Variants in ACOT8 observed in about 807,000 individuals in gnomAD.
ACOT8 encodes the protein acyl-CoA thioesterase 8.
A neutral mutation model predicts 38.4 loss-of-function variants in ACOT8; 31 were observed. The ratio of observed to expected loss-of-function variants is 0.81; its 90% CI spans 0.61 to 1.09. The LOEUF (loss-of-function observed/expected upper bound fraction) is 1.09, where lower values mean the gene tolerates loss of function less well. Ranked by LOEUF, ACOT8 falls within the 50% of genes least tolerant of loss-of-function variation. The pLI is 0.00. For missense variants in ACOT8, 373 were observed against 421.8 expected (o/e 0.88, Z 1.01); for synonymous variants, 158 against 170.3 (o/e 0.93, Z 0.56).
At chr20:45,845,508 T>TAA (rs1984619349) in intron 3 of ACOT8, among the ~76,000 whole-genome samples, 3 of 152,170 alleles carry the variant, frequency 2.0e-5, no homozygotes, top group Admixed American at 2.0e-4. Flanking sequence ...TTCATTATTT[T>TAA]AAACACTCAA....
chr20:45,843,253 G>T, intron 5 of ACOT8: 1 of 610,616 alleles, frequency 1.6e-6, no homozygotes, highest in Non-Finnish European at 2.9e-6. Context: ...TTTGCCTATT[G>T]TAATACAAAG....
chr20:45,849,858 A>G (rs1984952280), intron 2 of ACOT8, among the ~76,000 whole-genome samples: 1 of 152,208 alleles, frequency 6.6e-6, no homozygotes. Context: ...AAAAGGCTTC[A>G]GGGATGCTCC....
chr20:45,853,570 G>A (rs1985196234), intron 2 of ACOT8: 1 of 164,940 alleles, frequency 6.1e-6, no homozygotes, highest in Admixed American at 6.2e-5. Context: ...AAGAGATTCA[G>A]AGTTCAAGTA....
chr20:45,855,248 T>A lies in ACOT8; in HGVS notation c.173A>T (p.Gln58Leu), dbSNP rs765163250. ...WVPAKRLFGGQIVGQALVAAA... is the reference protein window; with the variant it reads ...WVPAKRLFGGLIVGQALVAAA... ...AGCCACCAGGGCCTGGCCCACGATC[T>A]GACCACCAAACAGCCTCTTGGCCGG... Residue 58 changes from glutamine to leucine, a missense_variant, in exon 2 of 6, where the codon CAG becomes CTG. Gln to Leu is a moderately radical substitution (Grantham distance 113). Coordinates refer to ENST00000217455, the MANE Select transcript of ACOT8 (RefSeq NM_005469.4). 3.7e-6 allele frequency: 6 copies of A among 1,614,174 alleles called. No individual in the cohort carries two copies. The highest frequency in any genetic ancestry group is 5.1e-6 in the Non-Finnish European group (6 of 1,180,040).
chr20:45,855,296 T>C lies in ACOT8; in HGVS notation c.129-4A>G. The C allele has an allele frequency of 1.9e-6, 3 of 1,613,762 alleles. No homozygotes were observed. The highest frequency in any genetic ancestry group is 2.5e-6 in the Non-Finnish European group (3 of 1,179,964). ...CGGTACCCAGTAATGCCTTCCTCTG[T>C]AGGGAGAGGGGGAAAGAGGGAAAGA... On this transcript the variant is annotated splice_region_variant and splice_polypyrimidine_tract_variant and intron_variant, in intron 1 of 5. Coordinates refer to ENST00000217455, the MANE Select transcript of ACOT8 (RefSeq NM_005469.4).
At position 45,855,172 on chromosome 20, in the gene ACOT8, G is replaced by A. The variant is rs1402131494; in HGVS notation, c.249C>T (p.Tyr83=). Residue 83 remains tyrosine, a synonymous_variant, in exon 2 of 6, where the codon TAC becomes TAT. Transcript: ENST00000217455. ...TGGGGGGTTTACCTGCCCGAACAAA[G>A]TAGCAGTGCAGGGAGTGCACGTGGA... ...EDVHVHSLHC[Y]FVRAGDPKLP... The A allele has an allele frequency of 6.2e-7, 1 of 1,614,040 alleles. No homozygotes were observed. The highest frequency in any genetic ancestry group is 2.2e-5 in the East Asian group (1 of 44,870).
At position 45,857,261 on chromosome 20, in the gene ACOT8, G is replaced by A. The variant is rs150701331; in HGVS notation, c.55C>T (p.Pro19Ser). 5.0e-6 allele frequency: 8 copies of A among 1,613,332 alleles called. No individual in the cohort carries two copies. In the Admixed American group the frequency reaches 6.7e-5, roughly 13 times the overall value. Residue 19 changes from proline (P) to serine (S), a missense_variant, in exon 1 of 6, where the codon CCC becomes TCC. Pro to Ser is a moderately conservative substitution (Grantham distance 74). Transcript: ENST00000217455. ...AAGACGCTACGGAGGTCCCCAGGGG[G>A]ATCGCCGCGGTCGCCACAGCCCTGC... is the stretch of plus-strand genomic sequence containing the variant. ...DGQGCGDRGDPPGDLRSVLVT... is the reference protein window; with the variant it reads ...DGQGCGDRGDSPGDLRSVLVT...
intron 2 of ACOT8, among the ~76,000 whole-genome samples, chr20:45,850,767 CG>C (rs1985006903): frequency 6.6e-6 from 1 of 152,118 alleles, no homozygotes; most frequent in African/African-American, 2.4e-5. Context: ...GAGGCTGAGG[CG>C]GAAGGATCAC....
At chr20:45,848,822 G>A (rs771477337) in intron 2 of ACOT8, 147 bp from the exon 3 acceptor site, 70 of 631,940 alleles carry the variant, frequency 1.1e-4, no homozygotes, top group Non-Finnish European at 1.6e-4. Flanking sequence ...GGGATACAGA[G>A]ACCACCAGGC....
rs764738668 is a variant in ACOT8 at position 45,841,968 on chromosome 20, GT to G, written c.842-13del. On this transcript the variant is annotated splice_polypyrimidine_tract_variant and intron_variant, in intron 5 of 5. Transcript: ENST00000217455. The stretch of plus-strand genomic sequence containing the variant: ...CCCCCGAGAGCCACCTGTGGGTGAG[GT>G]GAAGGGTGATGATGGCCTGCTTCAG... 2.5e-6 allele frequency: 4 copies of G among 1,612,994 alleles called. No homozygotes were observed. In the Admixed American group the frequency reaches 6.7e-5, roughly 27 times the overall value.
intron 4 of ACOT8, 54 bp from the exon 5 acceptor site, chr20:45,843,775 G>T: frequency 6.3e-7 from 1 of 1,591,640 alleles, no homozygotes; most frequent in Non-Finnish European, 8.6e-7. Context: ...CTCAGGACCT[G>T]CACGGAGGTA....
Position 45,844,385 on chromosome 20 carries a change from A to C in ACOT8, c.524T>G (p.Leu175Arg). Residue 175 changes from leucine to arginine, a missense_variant, in exon 4 of 6, where the codon CTC (leucine) becomes CGC (arginine). Physicochemically the swap from Leu to Arg is moderately radical, Grantham distance 102. Transcript: ENST00000217455. ...GACCTCCTGAGCAGCAATTCGGTTG[A>C]GCGCCAATGGGTACCTCTTTTGGAG... is the stretch of plus-strand genomic sequence containing the variant. The part of the protein sequence containing the change: ...PNLQKRYPLA[L>R]NRIAAQEVPI... The C allele has an allele frequency of 6.2e-7, 1 of 1,614,088 alleles. No homozygotes were observed. Among genetic ancestry groups the C allele is most frequent in the East Asian group, 2.2e-5 (1 of 44,880 alleles).
chr20:45,849,665 G>A (rs1984942909), intron 2 of ACOT8, among the ~76,000 whole-genome samples: 1 of 152,004 alleles, frequency 6.6e-6, no homozygotes, highest in Admixed American at 6.6e-5. Flanking sequence ...TGCCCAGGCT[G>A]GTCTCAAACT....
At chr20:45,852,957 C>G (rs574797957) in intron 2 of ACOT8, among the ~76,000 whole-genome samples, 11 of 151,964 alleles carry the variant, frequency 7.2e-5, no homozygotes, top group Non-Finnish European at 1.5e-4. Flanking sequence ...TTAGTAGAGA[C>G]TGGGTTTCAC....
At chr20:45,850,291 ATT>A (rs1984980240) in intron 2 of ACOT8, among the ~76,000 whole-genome samples, 1 of 152,194 alleles carries the variant, frequency 6.6e-6, no homozygotes, top group South Asian at 2.1e-4. Context: ...AGGAGTACAT[ATT>A]TGGCTTTCTC....
chr20:45,843,506 C>A (rs775625443), intron 5 of ACOT8, 21 bp downstream of exon 5: 2 of 1,603,852 alleles, frequency 1.2e-6, no homozygotes, highest in African/African-American at 2.7e-5. Flanking sequence ...GTGCCCTTGT[C>A]CCACACGGCC....
chr20:45,852,451 T>C (rs1985129127), intron 2 of ACOT8, among the ~76,000 whole-genome samples: 1 of 152,022 alleles, frequency 6.6e-6, no homozygotes, highest in Non-Finnish European at 1.5e-5. Flanking sequence ...AGTCCTGGGA[T>C]TACAGGCATA....
rs1457942211 is a variant in ACOT8, at chr20:45,843,694, CA to C, written c.673del (p.Cys225AlafsTer74). Reference protein sequence around the residue: ...IGEGDMKMHCCVAAYISDYAF... With the variant: ...IGEGDMKMHCXVAAYISDYAF... The stretch of plus-strand genomic sequence containing the variant: ...ATAGTCGGAGATATAGGCGGCCACG[CA>C]GCAGTGCATCTTCATGTCGCCCTCG... On this transcript the variant is annotated frameshift_variant, in exon 5 of 6. Transcript: ENST00000217455. LOFTEE classifies it high-confidence loss of function. 3.1e-6 allele frequency: 5 copies of C among 1,609,948 alleles called. No homozygotes were observed. Among genetic ancestry groups the C allele is most frequent in the Non-Finnish European group, 4.2e-6 (5 of 1,176,646 alleles).
At position 45,857,387 on chromosome 20, in the gene ACOT8, TC is replaced by T; in HGVS notation, c.-73del. 6.6e-7 allele frequency: 1 copy of T among 1,506,204 alleles called. No individual in the cohort carries two copies. Among genetic ancestry groups the T allele is most frequent in the Non-Finnish European group, 8.9e-7 (1 of 1,124,426 alleles). The allele number at this position is 1,506,204 out of a possible 1,614,324, so 93.3% of individuals were successfully genotyped here. A position where few individuals can be genotyped will look rare whatever the true frequency, so the allele number is the denominator to read the frequency against. ...GGAGACATACACAGAACCTGACTCT[TC>T]CGGCAGATTGCCCTAGTAACCGGAA... is the stretch of plus-strand genomic sequence containing the variant. On this transcript the variant is annotated 5_prime_UTR_variant, in exon 1 of 6. Transcript: ENST00000217455.
Sources: gnomAD v4.1 joint callset for allele counts (sites outside exome capture counted in the v4.1 genomes callset) on GRCh38, gnomAD v4.1.1 for gene constraint, MANE v1.5 for transcripts, NCBI Gene and HGNC (gene_info 2026-07-23, HGNC 2026-07-21) for gene names.